GRAMD2B: variants seen among roughly 807,000 people sequenced by gnomAD.
GRAMD2B encodes the protein GRAM domain containing 2B, also known as GRAM domain-containing protein 2B.
GRAMD2B carries 41 observed loss-of-function variants against 59.2 expected under a neutral mutation model. The ratio of observed to expected loss-of-function variants is 0.69; its 90% CI spans 0.54 to 0.90. The LOEUF (loss-of-function observed/expected upper bound fraction) is 0.90. Ranked by LOEUF, GRAMD2B falls within the 40% of genes least tolerant of loss-of-function variation. The pLI, the probability that GRAMD2B is intolerant of heterozygous loss-of-function variation, is 0.00. For synonymous variants in GRAMD2B, 161 were observed against 182.7 expected, an observed-to-expected ratio of 0.88 and a Z score of 0.96; for missense variants, 424 against 500.5, an observed-to-expected ratio of 0.85 and a Z score of 1.46.
intron 1 of GRAMD2B, chr5:126,462,344 C>T (rs745875176): frequency 2.0e-5 from 17 of 851,830 alleles, no homozygotes; most frequent in Admixed American, 6.2e-5. Context: ...CTTGAGGAAG[C>T]ATTCCATTTC....
At chr5:126,439,872 A>G (rs1763009853) in intron 1 of GRAMD2B, among the ~76,000 whole-genome samples, 1 of 152,108 alleles carries the variant, frequency 6.6e-6, no homozygotes, top group Non-Finnish European at 1.5e-5. Flanking sequence ...AATAAGTCTC[A>G]TGAGAACTGA....
upstream of GRAMD2B, among the ~76,000 whole-genome samples, chr5:126,370,032 G>A (rs1754662694): frequency 6.6e-6 from 1 of 152,166 alleles, no homozygotes; most frequent in Admixed American, 6.5e-5. Context: ...CTCTGTCAAG[G>A]AAGGACAGGG....
chr5:126,466,905 TA>T (rs1240466504), intron 2 of GRAMD2B, among the ~76,000 whole-genome samples: 1 of 151,836 alleles, frequency 6.6e-6, no homozygotes, highest in Non-Finnish European at 1.5e-5. Context: ...GCATGCTTGC[TA>T]AACTTCATGG....
At chr5:126,430,177 C>T (rs1231774490) in intron 1 of GRAMD2B, among the ~76,000 whole-genome samples, 1 of 152,102 alleles carries the variant, frequency 6.6e-6, no homozygotes, top group African/African-American at 2.4e-5. Flanking sequence ...GTGTTTTATC[C>T]GAAGTTTGAT....
intron 1 of GRAMD2B, among the ~76,000 whole-genome samples, chr5:126,456,223 G>A (rs757842203): frequency 9.2e-5 from 14 of 151,464 alleles, no homozygotes; most frequent in Admixed American, 5.3e-4. Context: ...CACTTTTTTT[G>A]TTGTTGAGAC....
At chr5:126,466,175 C>T (rs1768342763) in intron 2 of GRAMD2B, 1 of 1,475,474 alleles carries the variant, frequency 6.8e-7, no homozygotes, top group African/African-American at 1.4e-5. Context: ...AAACTGAGTA[C>T]AGAAATCATT....
intron 1 of GRAMD2B, among the ~76,000 whole-genome samples, chr5:126,452,502 A>G (rs1765555542): frequency 6.6e-6 from 1 of 152,320 alleles, no homozygotes; most frequent in Admixed American, 6.5e-5. Flanking sequence ...TCTCCTGAGT[A>G]TCAGGTTCAT....
At chr5:126,375,438 G>A (rs914474411) in intron 1 of GRAMD2B, among the ~76,000 whole-genome samples, 10 of 151,342 alleles carry the variant, frequency 6.6e-5, no homozygotes, top group African/African-American at 1.9e-4. Context: ...GCGCGATCTC[G>A]GCTCACTGCA....
chr5:126,382,008 C>A (rs1237600352), intron 1 of GRAMD2B, among the ~76,000 whole-genome samples: 3 of 152,058 alleles, frequency 2.0e-5, no homozygotes, highest in African/African-American at 7.2e-5. Context: ...TTTAAGGAGG[C>A]TAAAGATAGG....
At chr5:126,391,333 A>AAAAAAAAAAAAAAAAC (rs1207833981) in intron 1 of GRAMD2B, among the ~76,000 whole-genome samples, 3 of 149,968 alleles carry the variant, frequency 2.0e-5, no homozygotes, top group Non-Finnish European at 3.0e-5. Flanking sequence ...AAAAAAAAAA[A>AAAAAAAAAAAAAAAAC]AAAAAAACTT....
chr5:126,412,953 G>T (rs563931257), intron 1 of GRAMD2B, among the ~76,000 whole-genome samples: 2 of 152,026 alleles, frequency 1.3e-5, no homozygotes, highest in South Asian at 4.1e-4. Flanking sequence ...AGATTGTAAT[G>T]TCACCTTTGT....
At chr5:126,403,942 A>G (rs1758045042) in intron 1 of GRAMD2B, among the ~76,000 whole-genome samples, 1 of 151,968 alleles carries the variant, frequency 6.6e-6, no homozygotes, top group Non-Finnish European at 1.5e-5. Context: ...CAGTATTTAA[A>G]TCTTAATACA....
intron 12 of GRAMD2B, among the ~76,000 whole-genome samples, chr5:126,488,375 T>A (rs1335362499): frequency 6.6e-6 from 1 of 152,212 alleles, no homozygotes; most frequent in African/African-American, 2.4e-5. Context: ...GGACATTTGA[T>A]TAACTAGATA....
intron 8 of GRAMD2B, among the ~76,000 whole-genome samples, chr5:126,483,127 G>A (rs571423661): frequency 6.6e-6 from 1 of 152,154 alleles, no homozygotes; most frequent in Admixed American, 6.5e-5. Flanking sequence ...ATATATGTCT[G>A]TAGTAATCAG....
At chr5:126,391,898 G>A (rs1054902853) in intron 1 of GRAMD2B, among the ~76,000 whole-genome samples, 1 of 152,164 alleles carries the variant, frequency 6.6e-6, no homozygotes, top group African/African-American at 2.4e-5. Context: ...GAATTTTGTA[G>A]TATAGTGAAT....
intron 1 of GRAMD2B, among the ~76,000 whole-genome samples, chr5:126,365,898 C>A (rs1271168320): frequency 6.6e-6 from 1 of 152,106 alleles, no homozygotes; most frequent in African/African-American, 2.4e-5. Context: ...AGAATAGGAA[C>A]TTGGGTTTTC....
intron 1 of GRAMD2B, among the ~76,000 whole-genome samples, chr5:126,386,295 A>G (rs1250957895): frequency 6.6e-6 from 1 of 152,190 alleles, no homozygotes; most frequent in Non-Finnish European, 1.5e-5. Flanking sequence ...CAACATTCAA[A>G]GGCAAATCCG....
chr5:126,410,559 C>A (rs1223141982), intron 1 of GRAMD2B, among the ~76,000 whole-genome samples: 3 of 151,986 alleles, frequency 2.0e-5, no homozygotes, highest in Non-Finnish European at 2.9e-5. Flanking sequence ...GACTTTGCTG[C>A]AGTTGCTTAT....
Position 126,480,512 on chromosome 5 carries a change from G to T in GRAMD2B, c.639G>T (p.Val213=). 13 of 1,613,302 alleles carry T rather than the reference G, an allele frequency of 8.1e-6. No homozygotes were observed. The highest frequency in any genetic ancestry group is 1.1e-5 in the Non-Finnish European group (13 of 1,179,252). Residue 213 remains valine, a synonymous_variant, in exon 7 of 14, where the codon GTG becomes GTT. Transcript: ENST00000285689. ...CAACTTACAAACTACTAAAATCTGTGTGTGGACACTTAGAAGTGAGTATGA... is the reference window on the plus strand; with the variant it reads ...CAACTTACAAACTACTAAAATCTGTTTGTGGACACTTAGAAGTGAGTATGA... ...RDSTYKLLKS[V]CGHLENTSVG...
Sources: gnomAD v4.1 joint callset for allele counts (sites outside exome capture counted in the v4.1 genomes callset) on GRCh38, gnomAD v4.1.1 for gene constraint, MANE v1.5 for transcripts, NCBI Gene and HGNC (gene_info 2026-07-23, HGNC 2026-07-21) for gene names.